PELI2: variants seen among roughly 807,000 people sequenced by gnomAD.
PELI2 encodes the protein pellino E3 ubiquitin protein ligase family member 2, also known as E3 ubiquitin-protein ligase pellino homolog 2.
Under a neutral mutation model 42.3 loss-of-function variants are expected in PELI2, and 23 were observed. The ratio of observed to expected loss-of-function variants is 0.54; its 90% CI spans 0.39 to 0.77. PELI2 has a LOEUF of 0.77. Ranked by LOEUF, PELI2 falls within the 30% of genes least tolerant of loss-of-function variation. The probability of loss-of-function intolerance (pLI) is 0.00; values close to 1 mark genes in which losing one functional copy is unlikely to be tolerated. For synonymous variants in PELI2, 245 were observed against 212.2 expected (o/e 1.15, Z -1.34); for missense variants, 463 against 553.2 (o/e 0.84, Z 1.64).
intron 1 of PELI2, among the ~76,000 whole-genome samples, chr14:56,168,994 G>A (rs1240200264): frequency 6.6e-6 from 1 of 152,138 alleles, no homozygotes; most frequent in East Asian, 1.9e-4. Flanking sequence ...CTGGAATGGG[G>A]ACCTCATGAC....
intron 2 of PELI2, among the ~76,000 whole-genome samples, chr14:56,227,727 A>G (rs181028892): frequency 2.0e-5 from 3 of 152,358 alleles, no homozygotes; most frequent in African/African-American, 7.2e-5. Flanking sequence ...CTGCCCAGAA[A>G]GGAACCAGGG....
At position 56,189,796 on chromosome 14, in the gene PELI2, C is replaced by G. The variant is rs561351254; in HGVS notation, c.207+11332C>G. 2.6e-5 allele frequency among the ~76,000 whole-genome samples: 4 copies of G among 152,302 alleles called. No individual in the cohort carries two copies. In the East Asian group the frequency reaches 7.7e-4, roughly 29 times the overall value. ...TCATCATAATTTGAATATAGATTTT[C>G]TCTATAAACTTTACAATTTAAATGT... On this transcript the variant is annotated intron_variant, in intron 2 of 5. Transcript: ENST00000267460.
rs113894864 is a variant in PELI2, at chr14:56,121,238, C to CT, written c.77+2514dup. Among the ~76,000 whole-genome samples the CT allele has an allele frequency of 7.3e-3, 990 of 136,140 alleles. 7 individuals are homozygous for CT. Among genetic ancestry groups the CT allele is most frequent in the Middle Eastern group, 0.027 (7 of 258 alleles). The allele number at this position is 136,140 out of a possible 152,430, so 89.3% of individuals were successfully genotyped here. On this transcript the variant is annotated intron_variant, in intron 1 of 5. Transcript: ENST00000267460. ...GAAGCTTTGCTTGTCAAATTCAGTG[C>CT]TTTTTTTTTTTTTAATGGTTATGTG... is the stretch of plus-strand genomic sequence containing the variant.
chr14:56,268,706 C>G (rs1888994342), intron 2 of PELI2, among the ~76,000 whole-genome samples: 1 of 152,162 alleles, frequency 6.6e-6, no homozygotes, highest in Non-Finnish European at 1.5e-5. Flanking sequence ...GTGGCCCTCC[C>G]TACCTTTCTC....
At chr14:56,234,756 A>ATTT (rs762283874) in intron 2 of PELI2, among the ~76,000 whole-genome samples, 3,391 of 137,622 alleles carry the variant, frequency 0.025, 49 homozygotes, top group Middle Eastern at 0.057. Context: ...ATTTTTTTTA[A>ATTT]AAAATGTAAA....
chr14:56,280,865 C>A (rs1889460786), intron 3 of PELI2, among the ~76,000 whole-genome samples: 1 of 152,064 alleles, frequency 6.6e-6, no homozygotes, highest in Non-Finnish European at 1.5e-5. Context: ...GTACAGTAAT[C>A]ACTTTTCCCA....
At chr14:56,278,805 G>A (rs1337635482) in intron 2 of PELI2, among the ~76,000 whole-genome samples, 1 of 152,082 alleles carries the variant, frequency 6.6e-6, no homozygotes, top group East Asian at 1.9e-4. Flanking sequence ...TAATAGAAAA[G>A]CTTATTAAAA....
chr14:56,149,124 G>T (rs1480461000), intron 1 of PELI2, among the ~76,000 whole-genome samples: 1 of 152,152 alleles, frequency 6.6e-6, no homozygotes, highest in Non-Finnish European at 1.5e-5. Flanking sequence ...TTCAACTAGG[G>T]TTTAAATCTT....
intron 2 of PELI2, among the ~76,000 whole-genome samples, chr14:56,263,907 A>G (rs1888810816): frequency 6.6e-6 from 1 of 152,162 alleles, no homozygotes; most frequent in African/African-American, 2.4e-5. Flanking sequence ...TTTAAAGACA[A>G]CAGAAGCTCA....
chr14:56,161,646 G>T (rs1884769542), intron 1 of PELI2, among the ~76,000 whole-genome samples: 1 of 152,108 alleles, frequency 6.6e-6, no homozygotes. Context: ...GTGTCTTTTT[G>T]TTTCCTAAGC....
intron 2 of PELI2, among the ~76,000 whole-genome samples, chr14:56,242,178 G>A (rs1238454439): frequency 6.6e-6 from 1 of 152,158 alleles, no homozygotes; most frequent in African/African-American, 2.4e-5. Flanking sequence ...AGAAGGTTTG[G>A]GGATGAATTA....
intron 1 of PELI2, among the ~76,000 whole-genome samples, chr14:56,124,638 A>G (rs1167672899): frequency 6.6e-6 from 1 of 152,192 alleles, no homozygotes; most frequent in Non-Finnish European, 1.5e-5. Flanking sequence ...ACGCAGATGA[A>G]CAAGACAGTC....
chr14:56,207,882 C>G (rs1296945854), intron 2 of PELI2, among the ~76,000 whole-genome samples: 3 of 152,212 alleles, frequency 2.0e-5, no homozygotes. Flanking sequence ...GGCCATCATG[C>G]CTTCTCTCAG....
intron 1 of PELI2, among the ~76,000 whole-genome samples, chr14:56,134,915 A>T (rs1309832017): frequency 6.6e-6 from 1 of 152,146 alleles, no homozygotes; most frequent in Non-Finnish European, 1.5e-5. Context: ...TCAAATGAAT[A>T]TTCATCTCCT....
intron 2 of PELI2, among the ~76,000 whole-genome samples, chr14:56,276,976 G>A (rs1023260264): frequency 7.9e-5 from 12 of 152,072 alleles, no homozygotes; most frequent in East Asian, 5.8e-4. Flanking sequence ...TGATGCTTTC[G>A]CTATAAATAC....
At chr14:56,208,621 G>A (rs562001738) in intron 2 of PELI2, among the ~76,000 whole-genome samples, 36 of 152,178 alleles carry the variant, frequency 2.4e-4, no homozygotes, top group East Asian at 3.9e-4. Flanking sequence ...AAAAAAATGC[G>A]GTTTCATTTG....
chr14:56,128,491 C>A (rs1302410740), intron 1 of PELI2, among the ~76,000 whole-genome samples: 1 of 152,138 alleles, frequency 6.6e-6, no homozygotes, highest in Non-Finnish European at 1.5e-5. Flanking sequence ...GGCTCTCTTG[C>A]TTGATTATTT....
chr14:56,128,170 T>C (rs1047802816), intron 1 of PELI2, among the ~76,000 whole-genome samples: 1 of 152,194 alleles, frequency 6.6e-6, no homozygotes, highest in Non-Finnish European at 1.5e-5. Flanking sequence ...GGTGATGCTG[T>C]TGTTGCTGTT....
chr14:56,187,246 C>T (rs1028444023), intron 2 of PELI2, among the ~76,000 whole-genome samples: 3 of 152,174 alleles, frequency 2.0e-5, no homozygotes, highest in Admixed American at 1.3e-4. Flanking sequence ...GAAATTTATT[C>T]ATCTCCAAAC....
Sources: allele counts gnomAD v4.1 joint callset (sites outside exome capture counted in the v4.1 genomes callset), GRCh38; gene constraint gnomAD v4.1.1; transcripts MANE v1.5; gene names NCBI Gene and HGNC (gene_info 2026-07-23, HGNC 2026-07-21).